POLR3B: variants seen among roughly 807,000 people sequenced by gnomAD.
POLR3B encodes RNA polymerase III subunit B, also known as DNA-directed RNA polymerase III subunit RPC2.
A neutral mutation model predicts 147.4 loss-of-function variants in POLR3B; 96 were observed. The ratio of observed to expected loss-of-function variants is 0.65; its 90% CI spans 0.55 to 0.77. POLR3B has a LOEUF of 0.77. Ranked by LOEUF, POLR3B falls within the 30% of genes least tolerant of loss-of-function variation. The pLI is 0.00. For missense variants in POLR3B, 1,036 were observed against 1,413.5 expected (o/e 0.73, Z 4.28); for synonymous variants, 461 against 485.9 (o/e 0.95, Z 0.67).
intron 9 of POLR3B, among the ~76,000 whole-genome samples, chr12:106,386,923 A>T (rs1190379967): frequency 6.6e-6 from 1 of 152,054 alleles, no homozygotes; most frequent in Non-Finnish European, 1.5e-5. Flanking sequence ...AAAAAGAAAA[A>T]AGTTTCTTCT....
At chr12:106,422,862 A>G (rs934940098) in intron 12 of POLR3B, among the ~76,000 whole-genome samples, 3 of 152,184 alleles carry the variant, frequency 2.0e-5, no homozygotes, top group Non-Finnish European at 4.4e-5. Flanking sequence ...AGGGATTCTA[A>G]TTGGCATTGC....
chr12:106,389,390 A>G (rs1012371344), intron 9 of POLR3B, among the ~76,000 whole-genome samples: 1 of 152,186 alleles, frequency 6.6e-6, no homozygotes, highest in Non-Finnish European at 1.5e-5. Flanking sequence ...TTTGCTTCAT[A>G]GCTTAGAAAT....
intron 22 of POLR3B, among the ~76,000 whole-genome samples, chr12:106,460,566 T>C (rs1295279671): frequency 2.6e-5 from 4 of 152,178 alleles, no homozygotes; most frequent in Non-Finnish European, 5.9e-5. Context: ...AAAGAGAAGA[T>C]GGGCAGCTCT....
intron 23 of POLR3B, among the ~76,000 whole-genome samples, chr12:106,468,789 G>T (rs2038044771): frequency 6.6e-6 from 1 of 152,196 alleles, no homozygotes; most frequent in Non-Finnish European, 1.5e-5. Flanking sequence ...TAATTTGATT[G>T]TGCTGTGGTC....
intron 1 of POLR3B, 96 bp from the exon 2 acceptor site, chr12:106,363,774 T>C: frequency 1.0e-6 from 1 of 995,046 alleles, no homozygotes. Flanking sequence ...TTTGTTTTGA[T>C]TTACTTTCCT....
intron 16 of POLR3B, among the ~76,000 whole-genome samples, chr12:106,435,583 T>G (rs2037566520): frequency 6.6e-6 from 1 of 152,212 alleles, no homozygotes; most frequent in Non-Finnish European, 1.5e-5. Context: ...TACTGAGTTG[T>G]GTGACTCTGA....
chr12:106,362,180 T>C (rs1458096120), intron 1 of POLR3B, among the ~76,000 whole-genome samples: 1 of 152,108 alleles, frequency 6.6e-6, no homozygotes, highest in African/African-American at 2.4e-5. Flanking sequence ...TATCAAGGAC[T>C]GAACTGGGGC....
At chr12:106,404,474 T>C (rs1466823171) in intron 10 of POLR3B, among the ~76,000 whole-genome samples, 1 of 152,212 alleles carries the variant, frequency 6.6e-6, no homozygotes, top group Non-Finnish European at 1.5e-5. Flanking sequence ...CTAATGGGTG[T>C]ATAGTGGTAT....
chr12:106,441,619 A>T (rs981626457), intron 18 of POLR3B, among the ~76,000 whole-genome samples: 8 of 152,146 alleles, frequency 5.3e-5, no homozygotes, highest in Non-Finnish European at 7.3e-5. Context: ...ACATATATAT[A>T]TTTTTTTAAT....
chr12:106,423,821 G>A (rs2037401495), intron 12 of POLR3B, among the ~76,000 whole-genome samples: 1 of 151,010 alleles, frequency 6.6e-6, no homozygotes. Flanking sequence ...CAGTCAAGCT[G>A]ACACCTAAAA....
chr12:106,436,491 T>C (rs1433368099), intron 16 of POLR3B, among the ~76,000 whole-genome samples: 2 of 152,172 alleles, frequency 1.3e-5, no homozygotes, highest in Non-Finnish European at 1.5e-5. Flanking sequence ...TGTGTAGCTT[T>C]AAGTATCTTG....
At chr12:106,390,147 G>A (rs2036894316) in intron 9 of POLR3B, among the ~76,000 whole-genome samples, 1 of 151,708 alleles carries the variant, frequency 6.6e-6, no homozygotes, top group African/African-American at 2.4e-5. Context: ...GAATCCGGGA[G>A]GCAGAGGTTG....
rs375027871 is a variant in POLR3B, at chr12:106,380,012, A to G, written c.615-19A>G. Reference sequence around the variant, plus strand: ...AACTAAGTGGGGATGCAGTTTAACCAACTTGTATTTACTCATAGCTCTACC... The same window carrying G: ...AACTAAGTGGGGATGCAGTTTAACCGACTTGTATTTACTCATAGCTCTACC... On this transcript the variant is annotated intron_variant, in intron 8 of 27. Transcript: ENST00000228347. 2.0e-6 allele frequency: 3 copies of G among 1,504,710 alleles called. No homozygotes were observed. Among genetic ancestry groups the G allele is most frequent in the Non-Finnish European group, 2.8e-6 (3 of 1,080,954 alleles). 93.2% of individuals were successfully genotyped at this position (1,504,710 alleles called of 1,614,324 possible).
chr12:106,439,556 G>A (rs1392502072), intron 18 of POLR3B, among the ~76,000 whole-genome samples: 1 of 150,664 alleles, frequency 6.6e-6, no homozygotes, highest in African/African-American at 2.4e-5. Context: ...GAGGCTAGAG[G>A]ATTGCATGAG....
chr12:106,463,760 C>A, intron 23 of POLR3B, 140 bp downstream of exon 23: 1 of 732,330 alleles, frequency 1.4e-6, no homozygotes, highest in Non-Finnish European at 2.3e-6. Context: ...TGTTTTATTT[C>A]TTAGATTAAC....
At chr12:106,441,461 G>C (rs1179445921) in intron 18 of POLR3B, among the ~76,000 whole-genome samples, 1 of 152,154 alleles carries the variant, frequency 6.6e-6, no homozygotes, top group Non-Finnish European at 1.5e-5. Flanking sequence ...ATTGTAGGCA[G>C]TTGTAGCACA....
Position 106,456,876 on chromosome 12 carries a change from C to T in POLR3B, c.2294-262C>T, listed in dbSNP as rs981280013. On this transcript the variant is annotated intron_variant, in intron 20 of 27. Transcript: ENST00000228347. ...TTTCTCTCACCGTTCTCCAGTATGACAAGGTGTATTCCATGCAGAAAATGG... is the reference window on the plus strand; with the variant it reads ...TTTCTCTCACCGTTCTCCAGTATGATAAGGTGTATTCCATGCAGAAAATGG... Among the ~76,000 whole-genome samples the T allele has an allele frequency of 2.6e-5, 4 of 152,282 alleles. No individual in the cohort carries two copies. The East Asian group carries it at 7.7e-4, about 29-fold the overall frequency.
intron 6 of POLR3B, among the ~76,000 whole-genome samples, chr12:106,371,846 G>A (rs1291939898): frequency 1.3e-5 from 2 of 150,900 alleles, no homozygotes; most frequent in East Asian, 2.0e-4. Context: ...GCTAAATGAC[G>A]AGTTAATGGG....
intron 16 of POLR3B, among the ~76,000 whole-genome samples, chr12:106,435,535 CTGA>C (rs2037566000): frequency 6.6e-6 from 1 of 152,156 alleles, no homozygotes; most frequent in African/African-American, 2.4e-5. Context: ...GAATGGTTAG[CTGA>C]TGATATACCT....
Sources: gnomAD v4.1 joint callset for allele counts (sites outside exome capture counted in the v4.1 genomes callset) on GRCh38, gnomAD v4.1.1 for gene constraint, MANE v1.5 for transcripts, NCBI Gene and HGNC (gene_info 2026-07-23, HGNC 2026-07-21) for gene names.